WASF3: variants seen among roughly 807,000 people sequenced by gnomAD.
WASF3 encodes actin-binding protein WASF3.
A neutral mutation model predicts 46.6 loss-of-function variants in WASF3; 11 were observed. The ratio of observed to expected loss-of-function variants is 0.24; its 90% CI spans 0.15 to 0.39. The LOEUF (loss-of-function observed/expected upper bound fraction) is 0.39. WASF3 is among the 10% of genes least tolerant of loss of function. WASF3 has a pLI of 1.00. For synonymous variants in WASF3, 242 were observed against 259.7 expected, an observed-to-expected ratio of 0.93 and a Z score of 0.65; for missense variants, 576 against 669.8, an observed-to-expected ratio of 0.86 and a Z score of 1.55.
intron 1 of WASF3, among the ~76,000 whole-genome samples, chr13:26,594,418 C>T (rs1010876614): frequency 6.6e-6 from 1 of 152,220 alleles, no homozygotes; most frequent in Non-Finnish European, 1.5e-5. Context: ...CTTTTCAGCA[C>T]TCAAGCTGGA....
chr13:26,633,499 C>T (rs538286825), intron 2 of WASF3, among the ~76,000 whole-genome samples: 54 of 151,968 alleles, frequency 3.6e-4, no homozygotes, highest in Middle Eastern at 3.4e-3. Context: ...CCACCACAGC[C>T]GGCCGATCTT....
At position 26,681,115 on chromosome 13, in the gene WASF3, C is replaced by T. The variant is rs755143742; in HGVS notation, c.778C>T (p.Pro260Ser). 1 of 1,614,168 alleles carries T rather than the reference C, an allele frequency of 6.2e-7. No homozygotes were observed. Among genetic ancestry groups the T allele is most frequent in the South Asian group, 1.1e-5 (1 of 91,086 alleles). The change falls in exon 8 of 10, where the codon CCC (proline) becomes TCC (serine). Residue 260 changes from proline to serine, a missense_variant. Transcript: ENST00000335327. ...GGCTACTCCCAACCATTCTCTGCAC[C>T]CCCAGCCTGTGACCCCTTCCTATGC... ...YPATPNHSLH[P>S]QPVTPSYAAG...
chr13:26,552,190 A>G, the WASF3 span, among the ~76,000 whole-genome samples: 6 of 152,284 alleles, frequency 3.9e-5, no homozygotes, highest in Admixed American at 1.3e-4. Context: ...ACCTTGGGGG[A>G]AAAAGACAAT....
intron 1 of WASF3, among the ~76,000 whole-genome samples, chr13:26,602,362 TTTTACA>T (rs1880666976): frequency 6.6e-6 from 1 of 152,248 alleles, no homozygotes; most frequent in Non-Finnish European, 1.5e-5. Flanking sequence ...GTGACTGAAC[TTTTACA>T]TTTATTTCTA....
At position 26,686,132 on chromosome 13, in the gene WASF3, C is replaced by T. The variant is rs1341409019; in HGVS notation, c.*287C>T. ...CTCTTGGCCATGAGAGTATTTAGTG[C>T]AGTTTGGGTTTACTCTTACTGATCA... On this transcript the variant is annotated 3_prime_UTR_variant, in exon 10 of 10. Coordinates refer to ENST00000335327, the MANE Select transcript of WASF3 (RefSeq NM_006646.6). The T allele has an allele frequency of 8.2e-6, 3 of 363,820 alleles. No homozygotes were observed. The highest frequency in any genetic ancestry group is 1.0e-5 in the Non-Finnish European group (2 of 197,292). The allele number at this position is 363,820 out of a possible 1,614,324, so 22.5% of individuals were successfully genotyped here. A position where few individuals can be genotyped will look rare whatever the true frequency, so the allele number is the denominator to read the frequency against.
At chr13:26,600,531 T>TCAGGG (rs1880612777) in intron 1 of WASF3, among the ~76,000 whole-genome samples, 1 of 152,188 alleles carries the variant, frequency 6.6e-6, no homozygotes, top group African/African-American at 2.4e-5. Context: ...TGCTCTCATG[T>TCAGGG]CAGGGCAGGG....
intron 1 of WASF3, among the ~76,000 whole-genome samples, chr13:26,595,101 A>G (rs923982678): frequency 6.6e-6 from 1 of 152,222 alleles, no homozygotes; most frequent in Non-Finnish European, 1.5e-5. Context: ...CTTTGATCCC[A>G]TGGCACTTAC....
chr13:26,656,951 G>C (rs543069885), intron 3 of WASF3, among the ~76,000 whole-genome samples: 3 of 152,076 alleles, frequency 2.0e-5, no homozygotes, highest in Admixed American at 2.0e-4. Context: ...CCCCAAACCT[G>C]ATACTCATTC....
At chr13:26,633,837 G>T (rs1331468720) in intron 2 of WASF3, among the ~76,000 whole-genome samples, 1 of 152,166 alleles carries the variant, frequency 6.6e-6, no homozygotes, top group Non-Finnish European at 1.5e-5. Flanking sequence ...TAATTTGATT[G>T]CACTGTGTTC....
At chr13:26,642,432 G>T (rs1882027204) in intron 3 of WASF3, 29 bp downstream of exon 3, 3 of 1,557,954 alleles carry the variant, frequency 1.9e-6, no homozygotes, top group South Asian at 1.2e-5. Flanking sequence ...GATTACCAAT[G>T]ACATTAACTT....
At chr13:26,609,446 C>A (rs1880904111) in intron 1 of WASF3, 1 of 150,898 alleles carries the variant, frequency 6.6e-6, no homozygotes, top group African/African-American at 2.4e-5. Context: ...GTCCCCTCCT[C>A]CTCTTCCCCT....
intron 3 of WASF3, among the ~76,000 whole-genome samples, chr13:26,644,335 T>C (rs550616422): frequency 6.6e-6 from 1 of 152,254 alleles, no homozygotes; most frequent in African/African-American, 2.4e-5. Context: ...TAAGCTGTTA[T>C]GTTTGTGGTA....
intron 2 of WASF3, among the ~76,000 whole-genome samples, chr13:26,631,137 A>T (rs1051537013): frequency 1.3e-5 from 2 of 152,154 alleles, no homozygotes; most frequent in Non-Finnish European, 2.9e-5. Flanking sequence ...TTCTTTTGCC[A>T]TGCAGAAGCT....
At chr13:26,605,636 A>G (rs1172855317) in intron 1 of WASF3, among the ~76,000 whole-genome samples, 1 of 152,236 alleles carries the variant, frequency 6.6e-6, no homozygotes, top group Non-Finnish European at 1.5e-5. Context: ...ATTAGGGATC[A>G]AAGTATTAGG....
intron 3 of WASF3, among the ~76,000 whole-genome samples, chr13:26,658,323 C>T (rs750887336): frequency 1.3e-5 from 2 of 152,140 alleles, no homozygotes; most frequent in African/African-American, 4.8e-5. Flanking sequence ...GTCAGACATT[C>T]AGAAATAAAG....
intron 6 of WASF3, among the ~76,000 whole-genome samples, chr13:26,672,785 G>T (rs1408408661): frequency 2.0e-5 from 3 of 152,204 alleles, no homozygotes; most frequent in African/African-American, 7.2e-5. Context: ...GGGTTTTGAG[G>T]CATTGAGGTG....
Position 26,618,524 on chromosome 13 carries a change from A to C in WASF3, c.-11+5466A>C, listed in dbSNP as rs77911286. On this transcript the variant is annotated intron_variant, in intron 2 of 9. Transcript: ENST00000335327. The stretch of plus-strand genomic sequence containing the variant: ...CCCCCGTCTCTTTCATACATGTAGG[A>C]CTACATAGTACTTTTTACTAAATGG... Among the ~76,000 whole-genome samples the C allele has an allele frequency of 5.7e-3, 784 of 136,504 alleles. 12 individuals carry two copies. The highest frequency in any genetic ancestry group is 0.021 in the African/African-American group (747 of 36,248). The allele number at this position is 136,504 out of a possible 152,430, so 89.6% of individuals were successfully genotyped here.
chr13:26,621,958 C>G (rs1881319502), intron 2 of WASF3, among the ~76,000 whole-genome samples: 1 of 152,132 alleles, frequency 6.6e-6, no homozygotes, highest in Non-Finnish European at 1.5e-5. Flanking sequence ...AGAGGAAGGG[C>G]TTGGGCCAGC....
At chr13:26,583,014 T>TG (rs753176205) in intron 1 of WASF3, among the ~76,000 whole-genome samples, 21 of 152,254 alleles carry the variant, frequency 1.4e-4, no homozygotes, top group Non-Finnish European at 2.8e-4. Flanking sequence ...ATGCTTAAAA[T>TG]GGGGGCAGAA....
Sources: allele counts gnomAD v4.1 joint callset (sites outside exome capture counted in the v4.1 genomes callset), GRCh38; gene constraint gnomAD v4.1.1; transcripts MANE v1.5; gene names NCBI Gene and HGNC (gene_info 2026-07-23, HGNC 2026-07-21).